BZW2: variants seen among roughly 807,000 people sequenced by gnomAD.
BZW2 encodes eIF5-mimic protein 1.
In BZW2, 23 loss-of-function variants were observed where a neutral mutation model predicts 53.2. The observed-to-expected ratio is 0.43, with a 90% CI of 0.31 to 0.61. BZW2 has a LOEUF of 0.61. Ranked by LOEUF, BZW2 falls within the 20% of genes least tolerant of loss-of-function variation. The pLI is 0.09. For missense variants in BZW2, 409 were observed against 503.1 expected (o/e 0.81, Z 1.79); for synonymous variants, 227 against 186.4 (o/e 1.22, Z -1.77).
chr7:16,703,451 TG>T (rs1473018316), intron 10 of BZW2, among the ~76,000 whole-genome samples: 3 of 152,340 alleles, frequency 2.0e-5, no homozygotes, highest in Admixed American at 6.5e-5. Context: ...CTACCAGTGA[TG>T]TTTTAAATGA....
intron 1 of BZW2, among the ~76,000 whole-genome samples, chr7:16,650,054 A>G (rs778201050): frequency 6.6e-6 from 1 of 152,196 alleles, no homozygotes; most frequent in Non-Finnish European, 1.5e-5. Flanking sequence ...ATAAATACAA[A>G]TGTTCTTTTT....
chr7:16,674,898 T>C (rs1406395702), intron 3 of BZW2, among the ~76,000 whole-genome samples: 1 of 152,116 alleles, frequency 6.6e-6, no homozygotes, highest in East Asian at 1.9e-4. Flanking sequence ...GGTGGGGCCA[T>C]AAAAGGGGTA....
At chr7:16,695,817 A>G (rs1291343267) in intron 8 of BZW2, 1 of 152,208 alleles carries the variant, frequency 6.6e-6, no homozygotes, top group African/African-American at 2.4e-5. Context: ...TAGGACTGAT[A>G]CTATCCAGCA....
At chr7:16,666,463 C>T (rs111605193) in intron 2 of BZW2, among the ~76,000 whole-genome samples, 1,598 of 150,814 alleles carry the variant, frequency 0.011, 28 homozygotes, top group African/African-American at 0.038. Context: ...AGTGCAGTGG[C>T]GCCATCTCGG....
chr7:16,659,024 G>A (rs1477034399), intron 1 of BZW2, among the ~76,000 whole-genome samples: 2 of 150,766 alleles, frequency 1.3e-5, no homozygotes, highest in African/African-American at 4.9e-5. Flanking sequence ...CAATTTGGGA[G>A]GCTGAGGCAG....
intron 1 of BZW2, among the ~76,000 whole-genome samples, chr7:16,653,056 G>C (rs139472493): frequency 7.0e-6 from 1 of 143,130 alleles, no homozygotes; most frequent in African/African-American, 2.6e-5. Context: ...GTGTGTGTGT[G>C]TAGCCCTTCA....
intron 7 of BZW2, among the ~76,000 whole-genome samples, chr7:16,691,164 A>G (rs1459603300): frequency 1.3e-5 from 2 of 152,216 alleles, no homozygotes; most frequent in African/African-American, 4.8e-5. Context: ...AGAAGTCTAG[A>G]TTCTAGTTCA....
chr7:16,699,756 C>G (rs1005776777), intron 10 of BZW2, among the ~76,000 whole-genome samples: 1 of 152,062 alleles, frequency 6.6e-6, no homozygotes, highest in Admixed American at 6.5e-5. Flanking sequence ...TATTAAAATC[C>G]TTCAGATTTC....
chr7:16,666,421 A>ATTTATTTG (rs59272934), intron 2 of BZW2, among the ~76,000 whole-genome samples: 7 of 151,550 alleles, frequency 4.6e-5, no homozygotes, highest in African/African-American at 1.5e-4. Context: ...TTATTTATTT[A>ATTTATTTG]GAGACGGAGT....
intron 2 of BZW2, among the ~76,000 whole-genome samples, chr7:16,672,071 G>GTT (rs915770936): frequency 2.0e-5 from 3 of 151,856 alleles, no homozygotes; most frequent in Non-Finnish European, 4.4e-5. Context: ...CATACCACTT[G>GTT]TTTTTTTATC....
intron 3 of BZW2, among the ~76,000 whole-genome samples, chr7:16,675,626 A>G (rs1782740015): frequency 6.6e-6 from 1 of 152,186 alleles, no homozygotes; most frequent in Non-Finnish European, 1.5e-5. Flanking sequence ...GCTAGTTTTC[A>G]CCACATACTG....
intron 7 of BZW2, among the ~76,000 whole-genome samples, chr7:16,690,702 TAAAC>T (rs1783274628): frequency 1.3e-5 from 2 of 152,242 alleles, no homozygotes; most frequent in Admixed American, 1.3e-4. Flanking sequence ...TTGCAGAAAT[TAAAC>T]AAGTTAATTG....
chr7:16,663,714 G>T (rs1782335824), intron 1 of BZW2, among the ~76,000 whole-genome samples: 1 of 152,060 alleles, frequency 6.6e-6, no homozygotes, highest in African/African-American at 2.4e-5. Flanking sequence ...ATATCTAAAA[G>T]CTTTGGAAGG....
intron 3 of BZW2, 93 bp downstream of exon 3, chr7:16,674,681 T>A: frequency 8.8e-7 from 1 of 1,135,872 alleles, no homozygotes; most frequent in Non-Finnish European, 1.2e-6. Flanking sequence ...TATAAGTTTA[T>A]GTTTATTAGA....
chr7:16,693,815 T>A (rs1405964306), intron 7 of BZW2, among the ~76,000 whole-genome samples: 1 of 152,212 alleles, frequency 6.6e-6, no homozygotes, highest in East Asian at 1.9e-4. Flanking sequence ...TCTTCTGACA[T>A]TTTTGAAACA....
Position 16,694,956 on chromosome 7 carries a change from G to C in BZW2, c.774G>C (p.Leu258=). The C allele has an allele frequency of 6.3e-7, 1 of 1,596,570 alleles. No individual in the cohort carries two copies. Among genetic ancestry groups the C allele is most frequent in the Non-Finnish European group, 8.6e-7 (1 of 1,166,344 alleles). The change falls in exon 8 of 12, where the codon CTG becomes CTC. Residue 258 remains leucine (L), a synonymous_variant. Coordinates refer to ENST00000258761, the MANE Select transcript of BZW2 (RefSeq NM_014038.3). Reference sequence around the variant, plus strand: ...AGTCCCTGGGCACCAGGAAGGAACTGCAGAAGGAGCTCCAGGAGCGTCTTT... The same window carrying C: ...AGTCCCTGGGCACCAGGAAGGAACTCCAGAAGGAGCTCCAGGAGCGTCTTT... ...VQQSLGTRKE[L]QKELQERLSQ...
rs143994492 is a variant in BZW2, at chr7:16,656,150, T to TATATAC, written c.-7-9286_-7-9285insTATACA. On this transcript the variant is annotated intron_variant, in intron 1 of 11. Transcript: ENST00000258761. ...ATATATAAATGACTATATATATATA[T>TATATAC]ACATAAATATTTTTTCCCAGTACAG... 3.5e-4 allele frequency among the ~76,000 whole-genome samples: 52 copies of TATATAC among 150,256 alleles called. No individual in the cohort carries two copies. The East Asian group carries it at 9.6e-3, about 28-fold the overall frequency.
chr7:16,671,503 A>G (rs73295803), intron 2 of BZW2, among the ~76,000 whole-genome samples: 34 of 152,230 alleles, frequency 2.2e-4, no homozygotes, highest in African/African-American at 7.2e-4. Flanking sequence ...ACCATTATCC[A>G]CAAGAGTACT....
chr7:16,655,496 T>A lies in BZW2; in HGVS notation c.-8+9208T>A, dbSNP rs549666392. On this transcript the variant is annotated intron_variant, in intron 1 of 11. Coordinates refer to ENST00000258761, the MANE Select transcript of BZW2 (RefSeq NM_014038.3). The stretch of plus-strand genomic sequence containing the variant: ...CAGGGTGATTAGCATATTCATTACA[T>A]TGAACACTCATCATTTCTTTCTGGT... Among the ~76,000 whole-genome samples the A allele has an allele frequency of 2.0e-5, 3 of 152,332 alleles. No homozygotes were observed. The East Asian group carries it at 5.8e-4, about 29-fold the overall frequency.
Sources: allele counts gnomAD v4.1 joint callset (sites outside exome capture counted in the v4.1 genomes callset), GRCh38; gene constraint gnomAD v4.1.1; transcripts MANE v1.5; gene names NCBI Gene and HGNC (gene_info 2026-07-23, HGNC 2026-07-21).